The following WWOX variants were observed in gnomAD, a reference collection of about 807,000 sequenced individuals.
WWOX encodes WW domain-containing oxidoreductase.
In WWOX, 69 loss-of-function variants were observed where a neutral mutation model predicts 46.2. That is an observed-to-expected ratio of 1.49 (90% CI 1.23 to 1.82). WWOX has a LOEUF of 1.82. Ranked by LOEUF, WWOX falls within the 40% of genes most tolerant of loss-of-function variation. WWOX has a pLI of 0.00. For synonymous variants in WWOX, 359 were observed against 202.6 expected (o/e 1.77, Z -6.56); for missense variants, 919 against 542.6 (o/e 1.69, Z -6.89).
At chr16:79,097,052 G>T (rs946724442) in intron 8 of WWOX, among the ~76,000 whole-genome samples, 4 of 152,068 alleles carry the variant, frequency 2.6e-5, no homozygotes, top group African/African-American at 9.7e-5. Flanking sequence ...CATTTAAAAG[G>T]TCAGGTTGGA....
At chr16:78,235,999 C>G (rs771926048) in intron 5 of WWOX, among the ~76,000 whole-genome samples, 8 of 152,158 alleles carry the variant, frequency 5.3e-5, no homozygotes, top group Non-Finnish European at 1.2e-4. Context: ...TCTCAACTCT[C>G]CTGTTACAGC....
chr16:78,346,400 TGGG>T (rs1265626701), intron 5 of WWOX, among the ~76,000 whole-genome samples: 1 of 98,480 alleles, frequency 1.0e-5, no homozygotes, highest in Non-Finnish European at 2.4e-5. Context: ...TGTTTTATCT[TGGG>T]GGATAATACT....
At chr16:78,453,101 A>G (rs984785727) in intron 8 of WWOX, among the ~76,000 whole-genome samples, 9 of 151,898 alleles carry the variant, frequency 5.9e-5, no homozygotes, top group African/African-American at 2.2e-4. Flanking sequence ...GGCTGCAGCT[A>G]TTTATATCTT....
At chr16:79,050,389 C>T (rs190898390) in intron 8 of WWOX, among the ~76,000 whole-genome samples, 15 of 152,328 alleles carry the variant, frequency 9.8e-5, no homozygotes, top group Admixed American at 2.6e-4. Flanking sequence ...CTAGACCAGA[C>T]ATGACTTTCT....
chr16:78,919,361 C>T (rs945031906), intron 8 of WWOX, among the ~76,000 whole-genome samples: 1 of 151,950 alleles, frequency 6.6e-6, no homozygotes, highest in Non-Finnish European at 1.5e-5. Context: ...GAATTTGCAT[C>T]CAGGCAGTTG....
At chr16:79,032,535 G>C (rs1455294950) in intron 8 of WWOX, among the ~76,000 whole-genome samples, 2 of 147,678 alleles carry the variant, frequency 1.4e-5, no homozygotes, top group East Asian at 2.0e-4. Context: ...CAATAGTCTA[G>C]TATATATTAT....
At chr16:79,106,753 G>C (rs1470347384) in intron 8 of WWOX, 1 of 148,674 alleles carries the variant, frequency 6.7e-6, no homozygotes, top group East Asian at 2.0e-4. Context: ...GAGTAACTGA[G>C]ACTACAGGTT....
Position 78,987,360 on chromosome 16 carries a change from G to C in WWOX, c.1057-224248G>C, listed in dbSNP as rs891408486. Among the ~76,000 whole-genome samples the C allele has an allele frequency of 6.6e-5, 10 of 152,270 alleles. No individual in the cohort carries two copies. In the East Asian group the frequency reaches 1.9e-3, roughly 29 times the overall value. ...GTATCGGGTAGGTTGGAATGTGTTT[G>C]AAAATTTAAGAATATTTTCCTAGCA... On this transcript the variant is annotated intron_variant, in intron 8 of 8. Transcript: ENST00000566780.
At chr16:78,748,417 C>T (rs539279180) in intron 8 of WWOX, among the ~76,000 whole-genome samples, 68 of 152,300 alleles carry the variant, frequency 4.5e-4, no homozygotes, top group African/African-American at 1.6e-3. Flanking sequence ...TTTTTCCACG[C>T]CAAGCCCTGG....
intron 8 of WWOX, among the ~76,000 whole-genome samples, chr16:78,977,650 C>G (rs2046599503): frequency 6.6e-6 from 1 of 152,054 alleles, no homozygotes; most frequent in Admixed American, 6.5e-5. Flanking sequence ...AAAGCTCAGC[C>G]TCGAAAGAAG....
At chr16:78,938,500 C>T (rs1163650099) in intron 8 of WWOX, among the ~76,000 whole-genome samples, 3 of 152,046 alleles carry the variant, frequency 2.0e-5, no homozygotes, top group East Asian at 1.9e-4. Context: ...GCTGCTGTCT[C>T]GGTGGGCCTG....
At chr16:78,918,694 C>G (rs780262103) in intron 8 of WWOX, among the ~76,000 whole-genome samples, 1 of 152,150 alleles carries the variant, frequency 6.6e-6, no homozygotes, top group African/African-American at 2.4e-5. Context: ...CATCCATTAT[C>G]TTATTCTAGT....
At chr16:78,838,593 G>T (rs1007078876) in intron 8 of WWOX, among the ~76,000 whole-genome samples, 1 of 152,188 alleles carries the variant, frequency 6.6e-6, no homozygotes, top group Non-Finnish European at 1.5e-5. Flanking sequence ...TGTAATCCCA[G>T]CACTTTGGGA....
intron 8 of WWOX, among the ~76,000 whole-genome samples, chr16:78,640,323 G>T (rs573327579): frequency 4.7e-4 from 62 of 131,730 alleles, no homozygotes; most frequent in African/African-American, 1.7e-3. Flanking sequence ...TCCAAATCCA[G>T]ATCTCTGACT....
chr16:78,390,633 C>T (rs12922097), intron 6 of WWOX, among the ~76,000 whole-genome samples: 90,583 of 152,012 alleles, frequency 0.6, 29,179 homozygotes, highest in Non-Finnish European at 0.74. Flanking sequence ...TGAAATCTCT[C>T]TTGGATAGGC....
intron 8 of WWOX, among the ~76,000 whole-genome samples, chr16:79,062,296 C>A (rs1597338124): frequency 2.0e-5 from 3 of 152,180 alleles, no homozygotes; most frequent in Admixed American, 2.0e-4. Context: ...CCAATACCTT[C>A]TGGCATGTGC....
At chr16:78,930,087 A>G (rs1321535868) in intron 8 of WWOX, among the ~76,000 whole-genome samples, 2 of 151,220 alleles carry the variant, frequency 1.3e-5, no homozygotes, top group African/African-American at 4.9e-5. Flanking sequence ...CCTTCTTCAC[A>G]CTCCTCCTTC....
chr16:78,560,232 C>A (rs1408257825), intron 8 of WWOX, among the ~76,000 whole-genome samples: 1 of 152,148 alleles, frequency 6.6e-6, no homozygotes, highest in Admixed American at 6.5e-5. Context: ...ATTCTGAAAT[C>A]TGTTTGGATC....
chr16:78,917,492 C>T (rs1394571), intron 8 of WWOX, among the ~76,000 whole-genome samples: 118,355 of 142,968 alleles, frequency 0.83, 48,238 homozygotes, highest in South Asian at 0.93. Flanking sequence ...ATTTTTTTTT[C>T]CTTAAATTTA....
Sources: gnomAD v4.1 joint callset for allele counts (sites outside exome capture counted in the v4.1 genomes callset) on GRCh38, gnomAD v4.1.1 for gene constraint, MANE v1.5 for transcripts, NCBI Gene and HGNC (gene_info 2026-07-23, HGNC 2026-07-21) for gene names.